The following PAPSS1 variants were observed in gnomAD, a reference collection of about 807,000 sequenced individuals.
The protein encoded by PAPSS1 is 3'-phosphoadenosine 5'-phosphosulfate synthase 1.
In PAPSS1, 50 loss-of-function variants were observed where a neutral mutation model predicts 72.0. The ratio of observed to expected loss-of-function variants is 0.69; its 90% CI spans 0.55 to 0.88. PAPSS1 has a LOEUF of 0.88. Among genes scored for constraint, PAPSS1 ranks in the 40% least tolerant of loss-of-function variants. The pLI, the probability that PAPSS1 is intolerant of heterozygous loss-of-function variation, is 0.00. For synonymous variants in PAPSS1, 261 were observed against 263.6 expected (o/e 0.99, Z 0.09); for missense variants, 657 against 782.2 (o/e 0.84, Z 1.91).
At chr4:107,660,910 T>C (rs901699194) in intron 5 of PAPSS1, among the ~76,000 whole-genome samples, 5 of 152,118 alleles carry the variant, frequency 3.3e-5, no homozygotes, top group African/African-American at 9.7e-5. Flanking sequence ...TCTCAAAAGA[T>C]TGAGAAGATA....
chr4:107,693,381 G>A (rs1578426811), intron 3 of PAPSS1, among the ~76,000 whole-genome samples: 2 of 152,308 alleles, frequency 1.3e-5, no homozygotes, highest in East Asian at 1.9e-4. Context: ...TAAGAACAAC[G>A]AATTCTGAGC....
At chr4:107,713,239 T>C (rs1723542614) in intron 1 of PAPSS1, among the ~76,000 whole-genome samples, 1 of 152,070 alleles carries the variant, frequency 6.6e-6, no homozygotes, top group African/African-American at 2.4e-5. Context: ...CAAAAAGCCA[T>C]AGATTATATA....
At chr4:107,677,060 T>C (rs1300721901) in intron 5 of PAPSS1, among the ~76,000 whole-genome samples, 3 of 152,156 alleles carry the variant, frequency 2.0e-5, no homozygotes, top group Non-Finnish European at 4.4e-5. Context: ...ACTTAAATGT[T>C]ACACCTAAAA....
At chr4:107,704,919 C>T (rs992709257) in intron 1 of PAPSS1, among the ~76,000 whole-genome samples, 3 of 150,292 alleles carry the variant, frequency 2.0e-5, no homozygotes, top group African/African-American at 4.9e-5. Flanking sequence ...CCATTGCACT[C>T]GAGCCTGGGT....
chr4:107,670,504 T>TTCC (rs1160744006), intron 5 of PAPSS1, among the ~76,000 whole-genome samples: 4 of 152,168 alleles, frequency 2.6e-5, no homozygotes, highest in East Asian at 3.9e-4. Context: ...CAAATCATCT[T>TTCC]TCCTCTTTAT....
chr4:107,676,374 T>A (rs1008300602), intron 5 of PAPSS1, among the ~76,000 whole-genome samples: 8 of 152,182 alleles, frequency 5.3e-5, no homozygotes, highest in African/African-American at 1.9e-4. Flanking sequence ...ATCACAAGCA[T>A]TCTTATACAC....
intron 10 of PAPSS1, 37 bp downstream of exon 10, chr4:107,644,765 T>C: frequency 6.4e-7 from 1 of 1,569,736 alleles, no homozygotes; most frequent in Non-Finnish European, 8.6e-7. Flanking sequence ...AGAGTGGCTT[T>C]AACACTGCTG....
rs758770803 is a variant in PAPSS1, at chr4:107,654,706, G to C, written c.1090C>G (p.Pro364Ala). Residue 364 changes from proline (P) to alanine (A), a missense_variant, in exon 8 of 12, where the codon CCC becomes GCC. Pro to Ala is a conservative substitution (Grantham distance 27). Around this residue, in one of 7 missense-constraint regions of PAPSS1, gnomAD observed 190 missense variants for 176.7 expected, o/e 1.07. Coordinates refer to ENST00000265174, the MANE Select transcript of PAPSS1 (RefSeq NM_005443.5). ...RQWGTTCKNH[P>A]YIKMVMEQGD... is the part of the protein sequence containing the mutation. Reference sequence around the variant, plus strand: ...GGTTTTTTCAGCACCTTAATATAGGGGTGGTTCTTGCATGTCGTTCCCCAC... The same window carrying C: ...GGTTTTTTCAGCACCTTAATATAGGCGTGGTTCTTGCATGTCGTTCCCCAC... The C allele has an allele frequency of 6.2e-7, 1 of 1,612,388 alleles. No homozygotes were observed. The highest frequency in any genetic ancestry group is 8.5e-7 in the Non-Finnish European group (1 of 1,179,550).
intron 1 of PAPSS1, among the ~76,000 whole-genome samples, chr4:107,716,349 G>A (rs569951148): frequency 9.3e-4 from 142 of 152,346 alleles, no homozygotes; most frequent in Non-Finnish European, 2.1e-4. Flanking sequence ...CAGGGAGAAG[G>A]AAAGGCTTGT....
At chr4:107,618,576 G>GA (rs1313139337) in intron 11 of PAPSS1, among the ~76,000 whole-genome samples, 1 of 151,932 alleles carries the variant, frequency 6.6e-6, no homozygotes, top group African/African-American at 2.4e-5. Flanking sequence ...ATGAAAAGAG[G>GA]AAACAGAAGG....
intron 1 of PAPSS1, among the ~76,000 whole-genome samples, chr4:107,710,304 C>T (rs1218844349): frequency 1.3e-5 from 2 of 152,006 alleles, no homozygotes; most frequent in Admixed American, 6.6e-5. Flanking sequence ...AGTCTGGGTG[C>T]TTTGTAGAAA....
intron 1 of PAPSS1, among the ~76,000 whole-genome samples, chr4:107,711,905 T>C (rs1366802491): frequency 6.6e-6 from 1 of 152,210 alleles, no homozygotes; most frequent in Non-Finnish European, 1.5e-5. Context: ...TTGAAAAGGC[T>C]ACTCTTAAAA....
chr4:107,720,118 AC>A lies in PAPSS1; in HGVS notation c.60+1del. On this transcript the variant is annotated splice_donor_variant, in intron 1 of 11. Transcript: ENST00000265174. LOFTEE classifies it high-confidence loss of function. ...GCCGTCTCGCCTTCGTCCCCAGCTT[AC>A]CCAGTTCTGCGCGTTATTGCTCAGT... The A allele has an allele frequency of 3.1e-6, 5 of 1,605,108 alleles. No individual in the cohort carries two copies. Among genetic ancestry groups the A allele is most frequent in the Non-Finnish European group, 4.3e-6 (5 of 1,176,114 alleles).
intron 11 of PAPSS1, among the ~76,000 whole-genome samples, chr4:107,629,100 G>C (rs181244379): frequency 2.0e-5 from 3 of 152,248 alleles, no homozygotes; most frequent in Admixed American, 2.0e-4. Context: ...TAACATGTCT[G>C]AACAGGATCT....
chr4:107,655,244 T>C (rs144685217), intron 7 of PAPSS1, among the ~76,000 whole-genome samples: 29 of 152,082 alleles, frequency 1.9e-4, no homozygotes, highest in Admixed American at 5.2e-4. Flanking sequence ...ACCAAATACA[T>C]ACTGTGCACT....
intron 10 of PAPSS1, among the ~76,000 whole-genome samples, chr4:107,642,915 G>A (rs1459503138): frequency 2.6e-5 from 4 of 152,036 alleles, no homozygotes; most frequent in African/African-American, 9.7e-5. Context: ...CATATCCAAG[G>A]ACCTAGCAAT....
chr4:107,703,458 T>C (rs1723257716), intron 1 of PAPSS1, among the ~76,000 whole-genome samples: 1 of 152,172 alleles, frequency 6.6e-6, no homozygotes, highest in Non-Finnish European at 1.5e-5. Context: ...CATAAAACTT[T>C]TTTCCTACTT....
rs1726654183 is a variant in PAPSS1, at chr4:107,644,982, C to T, written c.1326G>A (p.Arg442=). 3 of 1,613,204 alleles carry T rather than the reference C, an allele frequency of 1.9e-6. No homozygotes were observed. The highest frequency in any genetic ancestry group is 2.5e-6 in the Non-Finnish European group (3 of 1,179,580). ...MQDTHKQLLE[R]GYRRPVLLLH... is the part of the protein sequence containing the mutation. Reference sequence around the variant, plus strand: ...GGAGGAGGACAGGGCGCCGGTAGCCCCTCTCTAGAAGTTGCTTATGGGTAT... The same window carrying T: ...GGAGGAGGACAGGGCGCCGGTAGCCTCTCTCTAGAAGTTGCTTATGGGTAT... The change falls in exon 10 of 12, where the codon AGG becomes AGA. Residue 442 remains arginine (R), a synonymous_variant. Transcript: ENST00000265174.
rs77918670 is a variant in PAPSS1, at chr4:107,657,366, T to C, written c.784-359A>G. The stretch of plus-strand genomic sequence containing the variant: ...CCATGAATCTGTATTTCTAAAATGT[T>C]CCCAGAAAATGATAACAGTGATGAT... On this transcript the variant is annotated intron_variant, in intron 6 of 11. Transcript: ENST00000265174. 9.7e-3 allele frequency among the ~76,000 whole-genome samples: 1,480 copies of C among 152,224 alleles called. 34 individuals carry two copies. Among genetic ancestry groups the C allele is most frequent in the African/African-American group, 0.033 (1,367 of 41,528 alleles).
Sources: allele counts gnomAD v4.1 joint callset (sites outside exome capture counted in the v4.1 genomes callset), GRCh38; gene constraint gnomAD v4.1.1; regional missense constraint gnomAD v4.1.1; transcripts MANE v1.5; gene names NCBI Gene and HGNC (gene_info 2026-07-23, HGNC 2026-07-21).